The following FMNL2 variants were observed in gnomAD, a reference collection of about 807,000 sequenced individuals.
The protein encoded by FMNL2 is formin like 2, also known as formin-like protein 2.
In FMNL2, 51 loss-of-function variants were observed where a neutral mutation model predicts 130.2. That is an observed-to-expected ratio of 0.39 (90% confidence interval 0.31 to 0.49). The LOEUF is 0.49. Ranked by LOEUF, FMNL2 falls within the 20% of genes least tolerant of loss-of-function variation. FMNL2 has a pLI of 0.85. For synonymous variants in FMNL2, 465 were observed against 467.1 expected (o/e 1.00, Z 0.06); for missense variants, 977 against 1,316.2 (o/e 0.74, Z 3.99).
At chr2:152,451,383 C>T (rs1688640910) in intron 1 of FMNL2, among the ~76,000 whole-genome samples, 1 of 150,718 alleles carries the variant, frequency 6.6e-6, no homozygotes, top group Non-Finnish European at 1.5e-5. Flanking sequence ...CTCCTGACCT[C>T]GTGATCTGCC....
chr2:152,563,262 A>G (rs1451171999), intron 6 of FMNL2, among the ~76,000 whole-genome samples: 1 of 152,226 alleles, frequency 6.6e-6, no homozygotes, highest in East Asian at 1.9e-4. Context: ...GTGCTTGAAG[A>G]TGACCAGCTA....
chr2:152,383,273 C>CTTTTTTTTTTTTTTT lies in FMNL2; in HGVS notation c.117+47560_117+47574dup, dbSNP rs35206829. Among the ~76,000 whole-genome samples the CTTTTTTTTTTTTTTT allele has an allele frequency of 3.1e-5, 3 of 97,598 alleles. 1 individual carries two copies. Among genetic ancestry groups the CTTTTTTTTTTTTTTT allele is most frequent in the Non-Finnish European group, 4.0e-5 (2 of 50,602 alleles). 64.0% of individuals were successfully genotyped at this position (97,598 alleles called of 152,430 possible). On this transcript the variant is annotated intron_variant, in intron 1 of 25. Coordinates refer to ENST00000288670, the MANE Select transcript of FMNL2 (RefSeq NM_052905.4). ...TTAGGTGTGGACACTTCCGTTAATCCTTTTTTTTTTTTTTTTTTTTTGTAG... is the reference window on the plus strand; with the variant it reads ...TTAGGTGTGGACACTTCCGTTAATCCTTTTTTTTTTTTTTTTTTTTTTTTTTTTTTTTTTTTGTAG...
At chr2:152,348,691 G>A (rs1312377772) in intron 1 of FMNL2, among the ~76,000 whole-genome samples, 10 of 152,150 alleles carry the variant, frequency 6.6e-5, no homozygotes, top group African/African-American at 2.4e-4. Flanking sequence ...AGAAGAGGAG[G>A]AGGGCAGTTT....
intron 1 of FMNL2, among the ~76,000 whole-genome samples, chr2:152,474,008 A>G (rs535654328): frequency 2.0e-5 from 3 of 152,284 alleles, no homozygotes; most frequent in Admixed American, 1.3e-4. Flanking sequence ...CTGAGTAGCT[A>G]GGATTACAAG....
chr2:152,521,940 CA>C lies in FMNL2; in HGVS notation c.118-2del. 6.2e-7 allele frequency: 1 copy of C among 1,610,116 alleles called. No homozygotes were observed. On this transcript the variant is annotated splice_acceptor_variant, in intron 1 of 25. Transcript: ENST00000288670. LOFTEE classifies it high-confidence loss of function. The stretch of plus-strand genomic sequence containing the variant: ...CTTTTCTCTCTTTATTTTTTTTAAA[CA>C]GAATGCTATGAACCTACCTCCTGAC...
intron 9 of FMNL2, among the ~76,000 whole-genome samples, chr2:152,606,213 A>G (rs753467818): frequency 1.6e-4 from 25 of 152,256 alleles, no homozygotes; most frequent in Non-Finnish European, 3.7e-4. Flanking sequence ...ATGGAATCAG[A>G]AAATTTGGAG....
At chr2:152,399,296 A>C (rs1348778704) in intron 1 of FMNL2, among the ~76,000 whole-genome samples, 1 of 152,196 alleles carries the variant, frequency 6.6e-6, no homozygotes, top group Non-Finnish European at 1.5e-5. Flanking sequence ...GAGGAGTAGA[A>C]GGTGGCAGCA....
At chr2:152,455,622 A>C (rs1377995539) in intron 1 of FMNL2, among the ~76,000 whole-genome samples, 1 of 152,234 alleles carries the variant, frequency 6.6e-6, no homozygotes, top group Non-Finnish European at 1.5e-5. Flanking sequence ...ACAGTTCTTC[A>C]TGGGACTCAT....
chr2:152,336,564 C>G (rs1054020279), intron 1 of FMNL2, among the ~76,000 whole-genome samples: 1 of 152,162 alleles, frequency 6.6e-6, no homozygotes, highest in African/African-American at 2.4e-5. Flanking sequence ...TGAAAACTCC[C>G]CTCTTTCTCC....
chr2:152,610,572 G>A (rs548005010), intron 10 of FMNL2, among the ~76,000 whole-genome samples: 4 of 152,254 alleles, frequency 2.6e-5, no homozygotes, highest in Admixed American at 1.3e-4. Flanking sequence ...CTTCTATAAC[G>A]GGTTTTTATC....
At chr2:152,460,956 CTTGAA>C (rs1459176216) in intron 1 of FMNL2, among the ~76,000 whole-genome samples, 3 of 152,168 alleles carry the variant, frequency 2.0e-5, no homozygotes, top group Non-Finnish European at 4.4e-5. Flanking sequence ...ATGTAATGTA[CTTGAA>C]TCATCCCCAA....
At chr2:152,645,385 C>T in intron 25 of FMNL2, 1 of 1,098,498 alleles carries the variant, frequency 9.1e-7, no homozygotes. Context: ...CCATTTTCAT[C>T]CCATTTTTTC....
chr2:152,395,486 T>C (rs892838708), intron 1 of FMNL2, among the ~76,000 whole-genome samples: 2 of 152,236 alleles, frequency 1.3e-5, no homozygotes, highest in African/African-American at 4.8e-5. Flanking sequence ...TCCCATTTTG[T>C]GTCTCCACAA....
intron 9 of FMNL2, among the ~76,000 whole-genome samples, chr2:152,596,065 C>T (rs1023774257): frequency 7.9e-5 from 12 of 151,154 alleles, no homozygotes; most frequent in African/African-American, 2.7e-4. Context: ...CAGGTTTAAG[C>T]GATTCTCCCG....
chr2:152,396,520 C>T (rs879698914), intron 1 of FMNL2, among the ~76,000 whole-genome samples: 26 of 152,202 alleles, frequency 1.7e-4, no homozygotes, highest in Admixed American at 1.2e-3. Context: ...CTGCTCATTT[C>T]CGAAGATAAC....
At chr2:152,603,732 T>G (rs1698213040) in intron 9 of FMNL2, among the ~76,000 whole-genome samples, 1 of 151,156 alleles carries the variant, frequency 6.6e-6, no homozygotes, top group African/African-American at 2.4e-5. Context: ...TGATTATTTT[T>G]GGGTTACCTT....
At chr2:152,515,098 C>T (rs534817398) in intron 1 of FMNL2, among the ~76,000 whole-genome samples, 1 of 152,244 alleles carries the variant, frequency 6.6e-6, no homozygotes, top group African/African-American at 2.4e-5. Context: ...ATCTCCAAAG[C>T]CCACACATTA....
chr2:152,442,973 C>T (rs1357745263), intron 1 of FMNL2, among the ~76,000 whole-genome samples: 1 of 152,132 alleles, frequency 6.6e-6, no homozygotes, highest in Non-Finnish European at 1.5e-5. Context: ...AGGGATCGCT[C>T]GGGCCGCAGC....
chr2:152,385,547 A>G (rs947934199), intron 1 of FMNL2, among the ~76,000 whole-genome samples: 4 of 152,204 alleles, frequency 2.6e-5, no homozygotes, highest in Non-Finnish European at 2.9e-5. Flanking sequence ...TGTCGACCAG[A>G]TGGTCATATA....
Sources: allele counts gnomAD v4.1 joint callset (sites outside exome capture counted in the v4.1 genomes callset), GRCh38; gene constraint gnomAD v4.1.1; transcripts MANE v1.5; gene names NCBI Gene and HGNC (gene_info 2026-07-23, HGNC 2026-07-21).